TRAPPC12: variants seen among roughly 807,000 people sequenced by gnomAD.
TRAPPC12 encodes TPR repeat protein 15.
In TRAPPC12, 61 loss-of-function variants were observed where a neutral mutation model predicts 69.2. The ratio of observed to expected loss-of-function variants is 0.88; its 90% CI spans 0.72 to 1.09. The LOEUF is 1.09. TRAPPC12 is among the 50% of genes least tolerant of loss of function. The pLI, the probability that TRAPPC12 is intolerant of heterozygous loss-of-function variation, is 0.00. For synonymous variants in TRAPPC12, 469 were observed against 438.9 expected, an observed-to-expected ratio of 1.07 and a Z score of -0.86; for missense variants, 1,101 against 1,016.4, an observed-to-expected ratio of 1.08 and a Z score of -1.13.
intron 5 of TRAPPC12, among the ~76,000 whole-genome samples, chr2:3,442,066 G>C (rs1292445139): frequency 6.6e-6 from 1 of 152,112 alleles, no homozygotes; most frequent in African/African-American, 2.4e-5. Flanking sequence ...CCAGATCGGA[G>C]TATTAACAGC....
intron 3 of TRAPPC12, among the ~76,000 whole-genome samples, chr2:3,408,638 TA>T (rs1006678156): frequency 1.3e-5 from 2 of 151,058 alleles, no homozygotes; most frequent in African/African-American, 2.4e-5. Context: ...AAAAAAAATT[TA>T]AAAAAAAATA....
At chr2:3,411,526 A>ATG (rs1403050326) in intron 3 of TRAPPC12, among the ~76,000 whole-genome samples, 1 of 152,254 alleles carries the variant, frequency 6.6e-6, no homozygotes, top group Non-Finnish European at 1.5e-5. Flanking sequence ...TGTTATACGT[A>ATG]TGTGTGTGCA....
intron 2 of TRAPPC12, among the ~76,000 whole-genome samples, chr2:3,394,743 C>A (rs756032145): frequency 6.6e-6 from 1 of 152,118 alleles, no homozygotes; most frequent in East Asian, 1.9e-4. Context: ...CAGCCTTGAG[C>A]CTTTGCTGAT....
intron 2 of TRAPPC12, among the ~76,000 whole-genome samples, chr2:3,394,152 G>A (rs1259602058): frequency 6.6e-6 from 1 of 152,216 alleles, no homozygotes; most frequent in Non-Finnish European, 1.5e-5. Context: ...GGAAGAGGGA[G>A]AGGCTGGAGA....
intron 3 of TRAPPC12, among the ~76,000 whole-genome samples, chr2:3,402,205 T>C (rs560556437): frequency 1.3e-5 from 2 of 152,338 alleles, no homozygotes; most frequent in African/African-American, 4.8e-5. Context: ...TTTAAATATA[T>C]TGCATTTTCT....
At chr2:3,390,352 A>T (rs954878858) in intron 2 of TRAPPC12, among the ~76,000 whole-genome samples, 5 of 152,216 alleles carry the variant, frequency 3.3e-5, no homozygotes, top group Admixed American at 2.6e-4. Flanking sequence ...TGCGTATCAA[A>T]TGTGCATATT....
intron 3 of TRAPPC12, among the ~76,000 whole-genome samples, chr2:3,420,137 G>A (rs1396392158): frequency 6.6e-6 from 1 of 152,144 alleles, no homozygotes; most frequent in African/African-American, 2.4e-5. Context: ...CCTTCGATAG[G>A]TCAGTGGGTA....
chr2:3,397,957 T>C (rs1661222604), intron 2 of TRAPPC12, among the ~76,000 whole-genome samples: 2 of 152,236 alleles, frequency 1.3e-5, no homozygotes, highest in South Asian at 2.1e-4. Context: ...ACTCATGTTT[T>C]CCTTCTGTTG....
chr2:3,395,110 A>G (rs1661051017), intron 2 of TRAPPC12, among the ~76,000 whole-genome samples: 1 of 152,248 alleles, frequency 6.6e-6, no homozygotes, highest in Non-Finnish European at 1.5e-5. Flanking sequence ...ACAGTTTCCA[A>G]AGTGGGCACA....
Position 3,401,512 on chromosome 2 carries a change from A to G in TRAPPC12, c.1048-265A>G, listed in dbSNP as rs147877467. 4.6e-4 allele frequency among the ~76,000 whole-genome samples: 70 copies of G among 152,362 alleles called. 1 individual carries two copies. The East Asian group carries it at 0.012, about 26-fold the overall frequency. On this transcript the variant is annotated intron_variant, in intron 2 of 11. Transcript: ENST00000324266. Reference sequence around the variant, plus strand: ...GGACTTACCGTTTCCTCTTCAGAATAAAGAACATGCTTTCTGATCAGTGGT... The same window carrying G: ...GGACTTACCGTTTCCTCTTCAGAATGAAGAACATGCTTTCTGATCAGTGGT...
chr2:3,457,721 A>T, intron 7 of TRAPPC12, 28 bp downstream of exon 7: 2 of 1,606,558 alleles, frequency 1.2e-6, no homozygotes, highest in Non-Finnish European at 1.7e-6. Context: ...TGCTGACTAG[A>T]TGCTTCTCGG....
intron 8 of TRAPPC12, chr2:3,463,133 C>G (rs756910291): frequency 4.5e-5 from 15 of 330,430 alleles, no homozygotes; most frequent in Non-Finnish European, 8.0e-5. Flanking sequence ...AGGTTAAGCT[C>G]TCTTGAGGAG....
intron 3 of TRAPPC12, among the ~76,000 whole-genome samples, chr2:3,417,912 G>A (rs932807711): frequency 6.6e-6 from 1 of 151,758 alleles, no homozygotes; most frequent in African/African-American, 2.4e-5. Context: ...GCGTGGTGGC[G>A]GGCGCCTGTA....
chr2:3,466,242 C>A (rs1403661177), intron 9 of TRAPPC12: 2 of 470,836 alleles, frequency 4.2e-6, no homozygotes, highest in Non-Finnish European at 8.8e-6. Context: ...CCTGTCAATC[C>A]CACCCTTGCA....
At chr2:3,432,624 C>T (rs1277360303) in intron 5 of TRAPPC12, among the ~76,000 whole-genome samples, 1 of 152,206 alleles carries the variant, frequency 6.6e-6, no homozygotes, top group Admixed American at 6.5e-5. Context: ...AACTCCCGAG[C>T]GTTGATGGTT....
chr2:3,470,975 C>T (rs1666033621), intron 9 of TRAPPC12, among the ~76,000 whole-genome samples: 1 of 152,106 alleles, frequency 6.6e-6, no homozygotes, highest in Non-Finnish European at 1.5e-5. Context: ...ACCGCACCTC[C>T]TCTTTGTGTT....
intron 2 of TRAPPC12, among the ~76,000 whole-genome samples, chr2:3,397,338 G>A (rs1231212897): frequency 1.3e-5 from 2 of 152,184 alleles, no homozygotes; most frequent in African/African-American, 4.8e-5. Context: ...TTCAGTGAGA[G>A]CACTAAACAT....
At chr2:3,397,351 C>G (rs542220806) in intron 2 of TRAPPC12, among the ~76,000 whole-genome samples, 15 of 152,212 alleles carry the variant, frequency 9.9e-5, no homozygotes, top group Non-Finnish European at 1.9e-4. Context: ...CTAAACATGG[C>G]AGACCCACAG....
chr2:3,457,100 G>A lies in TRAPPC12; in HGVS notation c.1531-521G>A, dbSNP rs550921895. The A allele has an allele frequency of 5.5e-4, 257 of 464,300 alleles. 1 individual carries two copies. Among genetic ancestry groups the A allele is most frequent in the African/African-American group, 4.3e-3 (213 of 50,100 alleles). 28.8% of individuals were successfully genotyped at this position (464,300 alleles called of 1,614,324 possible). A position where few individuals can be genotyped will look rare whatever the true frequency, so the allele number is the denominator to read the frequency against. On this transcript the variant is annotated intron_variant, in intron 6 of 11. Transcript: ENST00000324266. The stretch of plus-strand genomic sequence containing the variant: ...AAGGAAAAGATGGTGCACATACACT[G>A]TGGAATACTACGCAGCCGTAAAAAA...
Sources: gnomAD v4.1 joint callset for allele counts (sites outside exome capture counted in the v4.1 genomes callset) on GRCh38, gnomAD v4.1.1 for gene constraint, MANE v1.5 for transcripts, NCBI Gene and HGNC (gene_info 2026-07-23, HGNC 2026-07-21) for gene names.